PTN: variants seen among roughly 807,000 people sequenced by gnomAD.
The protein encoded by PTN is heparin affin regulatory protein.
PTN carries 18 observed loss-of-function variants against 24.1 expected under a neutral mutation model. That is an observed-to-expected ratio of 0.75 (90% CI 0.52 to 1.11). The LOEUF (loss-of-function observed/expected upper bound fraction) is 1.11. PTN is among the 50% of genes least tolerant of loss of function. The pLI is 0.00. For missense variants in PTN, 163 were observed against 198.8 expected, an observed-to-expected ratio of 0.82 and a Z score of 1.08; for synonymous variants, 78 against 68.6, an observed-to-expected ratio of 1.14 and a Z score of -0.67.
At chr7:137,247,308 A>G (rs953188399) in intron 4 of PTN, among the ~76,000 whole-genome samples, 5 of 152,216 alleles carry the variant, frequency 3.3e-5, no homozygotes, top group African/African-American at 1.2e-4. Flanking sequence ...AATGTGGTAC[A>G]TATACATAAC....
intron 1 of PTN, among the ~76,000 whole-genome samples, chr7:137,263,281 C>T (rs565411469): frequency 2.6e-5 from 4 of 152,238 alleles, no homozygotes; most frequent in East Asian, 3.9e-4. Context: ...GCTTCAGGGT[C>T]GAATCCATGT....
intron 1 of PTN, among the ~76,000 whole-genome samples, chr7:137,303,957 T>G (rs1391305558): frequency 6.6e-6 from 1 of 152,002 alleles, no homozygotes; most frequent in Admixed American, 6.6e-5. Flanking sequence ...CACAATAGTT[T>G]GCCACATAAT....
At chr7:137,295,159 AAAAG>A (rs1415199130) in intron 1 of PTN, among the ~76,000 whole-genome samples, 1 of 152,152 alleles carries the variant, frequency 6.6e-6, no homozygotes, top group Non-Finnish European at 1.5e-5. Flanking sequence ...TATGAACAGA[AAAAG>A]AATGTAAAAA....
intron 1 of PTN, among the ~76,000 whole-genome samples, chr7:137,256,184 A>T (rs322320): frequency 0.11 from 16,663 of 151,714 alleles, 988 homozygotes; most frequent in African/African-American, 0.15. Context: ...GTGTTTTTTT[A>T]AATTTATTTA....
chr7:137,319,549 T>C (rs1451948806), intron 1 of PTN, among the ~76,000 whole-genome samples: 3 of 152,150 alleles, frequency 2.0e-5, no homozygotes, highest in Non-Finnish European at 4.4e-5. Flanking sequence ...TGGCAGATCG[T>C]TTTTTGGCCA....
At chr7:137,296,811 C>T (rs1199962639) in intron 1 of PTN, among the ~76,000 whole-genome samples, 2 of 152,008 alleles carry the variant, frequency 1.3e-5, no homozygotes, top group African/African-American at 2.4e-5. Context: ...TTCTGAGGAT[C>T]GGAGCTGATC....
intron 1 of PTN, among the ~76,000 whole-genome samples, chr7:137,297,905 G>GGTC (rs2128878100): frequency 1.6e-5 from 2 of 126,894 alleles, no homozygotes; most frequent in East Asian, 4.5e-4. Flanking sequence ...TTTCCAAAGT[G>GGTC]GGCAGGAATG....
intron 1 of PTN, chr7:137,324,792 G>A (rs374317569): frequency 2.0e-5 from 3 of 152,140 alleles, no homozygotes; most frequent in East Asian, 1.9e-4. Flanking sequence ...CTCATCCATG[G>A]AAAGGGTAAT....
chr7:137,313,284 T>G (rs1562919940), intron 1 of PTN, among the ~76,000 whole-genome samples: 1 of 152,132 alleles, frequency 6.6e-6, no homozygotes, highest in African/African-American at 2.4e-5. Context: ...TAAACAAACT[T>G]TTAAAAAGAA....
chr7:137,236,764 T>C (rs1184393781), intron 4 of PTN, among the ~76,000 whole-genome samples: 1 of 152,186 alleles, frequency 6.6e-6, no homozygotes, highest in African/African-American at 2.4e-5. Context: ...AAATTTGCCT[T>C]ATTATAAACT....
intron 1 of PTN, among the ~76,000 whole-genome samples, chr7:137,260,435 T>G (rs919403783): frequency 6.6e-6 from 1 of 152,164 alleles, no homozygotes; most frequent in African/African-American, 2.4e-5. Flanking sequence ...CCTCCAAAAG[T>G]AACTCATATA....
chr7:137,238,112 T>C (rs1326549223), intron 4 of PTN, among the ~76,000 whole-genome samples: 1 of 152,290 alleles, frequency 6.6e-6, no homozygotes, highest in Non-Finnish European at 1.5e-5. Flanking sequence ...ATGGCCTCTG[T>C]GCACTGAACA....
intron 1 of PTN, among the ~76,000 whole-genome samples, chr7:137,309,730 A>G (rs1031461964): frequency 2.6e-5 from 4 of 152,148 alleles, no homozygotes; most frequent in Admixed American, 2.0e-4. Context: ...AAGTTTGATC[A>G]TGAGATTGCA....
intron 1 of PTN, among the ~76,000 whole-genome samples, chr7:137,267,052 T>C (rs1158871253): frequency 6.6e-6 from 1 of 152,162 alleles, no homozygotes; most frequent in African/African-American, 2.4e-5. Flanking sequence ...TTACTGAGAA[T>C]ACCTTTAATT....
intron 1 of PTN, among the ~76,000 whole-genome samples, chr7:137,257,189 G>A (rs1808942644): frequency 6.6e-6 from 1 of 152,174 alleles, no homozygotes; most frequent in Admixed American, 6.5e-5. Context: ...CACAAGCCTA[G>A]ATTAGCTACT....
At chr7:137,266,616 C>T (rs920101878) in intron 1 of PTN, among the ~76,000 whole-genome samples, 1 of 150,812 alleles carries the variant, frequency 6.6e-6, no homozygotes, top group Admixed American at 6.6e-5. Flanking sequence ...TACATAAATT[C>T]TGCCTCCCCT....
chr7:137,251,414 C>T (rs369229012), intron 3 of PTN, 23 bp from the exon 4 acceptor site: 2 of 1,607,270 alleles, frequency 1.2e-6, no homozygotes, highest in African/African-American at 1.3e-5. Context: ...TAGAACCAAA[C>T]AGAAATCCTT....
At chr7:137,312,987 G>A (rs892592759) in intron 1 of PTN, among the ~76,000 whole-genome samples, 2 of 152,104 alleles carry the variant, frequency 1.3e-5, no homozygotes, top group African/African-American at 4.8e-5. Flanking sequence ...TCTGCCAGGT[G>A]TTATTTATAT....
intron 4 of PTN, among the ~76,000 whole-genome samples, chr7:137,248,274 A>G (rs1172687446): frequency 6.6e-6 from 1 of 152,202 alleles, no homozygotes; most frequent in Non-Finnish European, 1.5e-5. Flanking sequence ...CACTCGTTAC[A>G]TTTTGGTTTA....
Sources: gnomAD v4.1 joint callset for allele counts (sites outside exome capture counted in the v4.1 genomes callset) on GRCh38, gnomAD v4.1.1 for gene constraint, MANE v1.5 for transcripts, NCBI Gene and HGNC (gene_info 2026-07-23, HGNC 2026-07-21) for gene names.